VPS13D: variants seen among roughly 807,000 people sequenced by gnomAD.
VPS13D encodes the protein intermembrane lipid transfer protein VPS13D.
In VPS13D, 187 loss-of-function variants were observed where a neutral mutation model predicts 461.9. That is an observed-to-expected ratio of 0.40 (90% CI 0.36 to 0.46). VPS13D has a LOEUF of 0.46. VPS13D is among the 20% of genes least tolerant of loss of function. VPS13D has a pLI of 0.60. For synonymous variants in VPS13D, 1,951 were observed against 1,986.3 expected (o/e 0.98, Z 0.47); for missense variants, 4,711 against 5,364.9 (o/e 0.88, Z 3.81).
At chr1:12,268,924 T>G (rs1175170657) in intron 16 of VPS13D, 48 bp downstream of exon 16, 3 of 1,571,776 alleles carry the variant, frequency 1.9e-6, no homozygotes, top group Non-Finnish European at 2.6e-6. Context: ...GAAAAACATC[T>G]TTATTGTTAT....
intron 30 of VPS13D, among the ~76,000 whole-genome samples, chr1:12,316,825 T>C (rs1427169930): frequency 6.8e-6 from 1 of 146,396 alleles, no homozygotes; most frequent in Non-Finnish European, 1.5e-5. Flanking sequence ...CTCCAGCCCC[T>C]GTTTCTCTTG....
chr1:12,456,206 TA>T (rs913727401), intron 66 of VPS13D, 76 bp downstream of exon 66: 11 of 1,516,028 alleles, frequency 7.3e-6, no homozygotes, highest in Non-Finnish European at 7.9e-6. Context: ...ATTGCAGCTA[TA>T]AAAAAAGAAA....
chr1:12,341,609 A>G (rs1393743692), intron 40 of VPS13D, among the ~76,000 whole-genome samples, 171 bp from the exon 41 acceptor site: 2 of 152,226 alleles, frequency 1.3e-5, no homozygotes, highest in Non-Finnish European at 2.9e-5. Context: ...AAATTCTCCC[A>G]TAGCAGCCAG....
At chr1:12,295,952 A>G (rs780422712) in intron 24 of VPS13D, among the ~76,000 whole-genome samples, 6 of 152,206 alleles carry the variant, frequency 3.9e-5, no homozygotes, top group Non-Finnish European at 5.9e-5. Context: ...ATGGTATTAA[A>G]CCGTATTTAA....
intron 26 of VPS13D, among the ~76,000 whole-genome samples, chr1:12,307,159 A>G (rs1383056281): frequency 6.6e-6 from 1 of 152,246 alleles, no homozygotes; most frequent in East Asian, 1.9e-4. Flanking sequence ...TTTATTCCCT[A>G]GTATATTAAC....
At chr1:12,291,630 A>G (rs577712651) in intron 23 of VPS13D, among the ~76,000 whole-genome samples, 1 of 152,294 alleles carries the variant, frequency 6.6e-6, no homozygotes, top group South Asian at 2.1e-4. Context: ...CTCAACACAC[A>G]CACGCACACC....
intron 67 of VPS13D, among the ~76,000 whole-genome samples, chr1:12,485,279 C>T (rs1226736649): frequency 6.6e-6 from 1 of 152,220 alleles, no homozygotes; most frequent in Non-Finnish European, 1.5e-5. Flanking sequence ...TCTCTCCTGA[C>T]CTGACCGCAG....
Position 12,362,759 on chromosome 1 carries a change from C to G in VPS13D, c.10181C>G (p.Thr3394Ser). 1 of 1,614,162 alleles carries G rather than the reference C, an allele frequency of 6.2e-7. No homozygotes were observed. The highest frequency in any genetic ancestry group is 1.1e-5 in the South Asian group (1 of 91,082). ...VKKGRGRYID[T>S]CMVIFAPRYL... ...AAAGGCCGAGGTCGATACATTGATA[C>G]CTGCATGGTCATCTTTGCCCCCCGT... The change falls in exon 51 of 70, where the codon ACC (threonine) becomes AGC (serine). Residue 3394 changes from threonine to serine, a missense_variant. Thr to Ser is a moderately conservative substitution (Grantham distance 58). Coordinates refer to ENST00000620676, the MANE Select transcript of VPS13D (RefSeq NM_015378.4).
intron 67 of VPS13D, among the ~76,000 whole-genome samples, chr1:12,477,021 A>G (rs1034411270): frequency 5.3e-5 from 8 of 152,254 alleles, no homozygotes; most frequent in African/African-American, 1.9e-4. Context: ...GGCTTCACTG[A>G]ACCCCATCAA....
At chr1:12,294,734 C>A (rs1642226515) in intron 24 of VPS13D, among the ~76,000 whole-genome samples, 1 of 152,084 alleles carries the variant, frequency 6.6e-6, no homozygotes, top group Non-Finnish European at 1.5e-5. Flanking sequence ...ATCGCTTGAA[C>A]CTGGGAGGCG....
chr1:12,374,630 A>G (rs1291847465), intron 55 of VPS13D, among the ~76,000 whole-genome samples: 2 of 152,110 alleles, frequency 1.3e-5, no homozygotes, highest in East Asian at 1.9e-4. Flanking sequence ...CCTATTTGTC[A>G]TATTTTCTAT....
rs1274131187 is a variant in VPS13D at position 12,330,689 on chromosome 1, C to G, written c.8287+771C>G. On this transcript the variant is annotated intron_variant, in intron 37 of 69. Transcript: ENST00000620676. Reference sequence around the variant, plus strand: ...TCAAGTGATTCCCCTGCCTCAGCCTCCCGAGTAGCTGGGATTACAGGCGCT... The same window carrying G: ...TCAAGTGATTCCCCTGCCTCAGCCTGCCGAGTAGCTGGGATTACAGGCGCT... Among the ~76,000 whole-genome samples, 4 of 152,156 alleles carry G rather than the reference C, an allele frequency of 2.6e-5. 1 individual carries two copies. The highest frequency in any genetic ancestry group is 9.6e-5 in the African/African-American group (4 of 41,546).
intron 67 of VPS13D, chr1:12,478,918 T>C (rs1645673761): frequency 2.2e-6 from 1 of 454,906 alleles, no homozygotes; most frequent in Non-Finnish European, 4.4e-6. Flanking sequence ...AAGCTTGGGA[T>C]GATGCCGTTT....
chr1:12,450,732 T>A (rs1645253020), intron 65 of VPS13D, among the ~76,000 whole-genome samples: 1 of 152,226 alleles, frequency 6.6e-6, no homozygotes, highest in Admixed American at 6.5e-5. Context: ...GTTAGGTGTA[T>A]GAAATTCATT....
intron 67 of VPS13D, among the ~76,000 whole-genome samples, chr1:12,483,162 T>C (rs908118612): frequency 6.6e-6 from 1 of 152,240 alleles, no homozygotes; most frequent in Non-Finnish European, 1.5e-5. Context: ...ACCCACAGTG[T>C]GTGAGAGGAC....
Position 12,319,576 on chromosome 1 carries a change from C to T in VPS13D, c.7494C>T (p.Thr2498=), listed in dbSNP as rs145139518. 827 of 1,614,196 alleles carry T rather than the reference C, an allele frequency of 5.1e-4. 3 individuals are homozygous for T. Among genetic ancestry groups the T allele is most frequent in the Admixed American group, 2.4e-3 (145 of 60,028 alleles). ...AIILKGTTVL[T]YKPRFVDRPF... ...TTCTGAAAGGCACCACAGTGCTCAC[C>T]TATAAGCCCCGGTTTGTTGATCGCC... is the stretch of plus-strand genomic sequence containing the variant. The change falls in exon 32 of 70, where the codon ACC becomes ACT. Residue 2498 remains threonine, a synonymous_variant. Coordinates refer to ENST00000620676, the MANE Select transcript of VPS13D (RefSeq NM_015378.4).
intron 57 of VPS13D, among the ~76,000 whole-genome samples, chr1:12,381,533 C>T (rs1005496959): frequency 1.3e-5 from 2 of 152,218 alleles, no homozygotes; most frequent in Non-Finnish European, 2.9e-5. Context: ...AATTGAATCC[C>T]TGTGGACCAA....
In VPS13D at chr1:12,256,458, T is replaced by G. The variant is rs751251921; in HGVS notation, c.795T>G (p.Ile265Met). ...KPLRSRHSPR[I>M]DCDIQLETIP... The stretch of plus-strand genomic sequence containing the variant: ...TGCGGTCTCGGCACAGTCCCCGTAT[T>G]GATTGTGATATTCAGCTGGAGACCA... Residue 265 changes from isoleucine (I) to methionine (M), a missense_variant, in exon 8 of 70, where the codon ATT becomes ATG. This residue lies in a region of VPS13D where 4,411 missense variants were observed against 4,937.8 expected (regional missense o/e 0.89). Coordinates refer to ENST00000620676, the MANE Select transcript of VPS13D (RefSeq NM_015378.4). 68 of 1,613,992 alleles carry G rather than the reference T, an allele frequency of 4.2e-5. No homozygotes were observed. The highest frequency in any genetic ancestry group is 1.6e-4 in the Middle Eastern group (1 of 6,084).
At chr1:12,256,191 A>G (rs1217602546) in intron 7 of VPS13D, 142 bp from the exon 8 acceptor site, 1 of 944,782 alleles carries the variant, frequency 1.1e-6, no homozygotes, top group Non-Finnish European at 1.6e-6. Context: ...ATGAATAAAA[A>G]CAAAACAGAC....
Sources: gnomAD v4.1 joint callset for allele counts (sites outside exome capture counted in the v4.1 genomes callset) on GRCh38, gnomAD v4.1.1 for gene constraint, gnomAD v4.1.1 regional missense constraint, MANE v1.5 for transcripts, NCBI Gene and HGNC (gene_info 2026-07-23, HGNC 2026-07-21) for gene names.